The following SLC25A35 variants were observed in gnomAD, a reference collection of about 807,000 sequenced individuals.
The protein encoded by SLC25A35 is solute carrier family 25, member 35.
In SLC25A35, 32 loss-of-function variants were observed where a neutral mutation model predicts 30.5. The observed-to-expected ratio is 1.05, with a 90% CI of 0.79 to 1.41. The LOEUF is 1.41. SLC25A35 is among the 40% of genes most tolerant of loss of function. The pLI, the probability that SLC25A35 is intolerant of heterozygous loss-of-function variation, is 0.00. For synonymous variants in SLC25A35, 142 were observed against 158.1 expected (o/e 0.90, Z 0.77); for missense variants, 369 against 388.0 (o/e 0.95, Z 0.41).
chr17:8,290,081 T>C lies in SLC25A35; in HGVS notation c.*424A>G. 6.5e-7 allele frequency: 1 copy of C among 1,532,202 alleles called. No homozygotes were observed. Among genetic ancestry groups the C allele is most frequent in the South Asian group, 1.3e-5 (1 of 77,520 alleles). The allele number at this position is 1,532,202 out of a possible 1,614,324, so 94.9% of individuals were successfully genotyped here. A position where few individuals can be genotyped will look rare whatever the true frequency, so the allele number is the denominator to read the frequency against. On this transcript the variant is annotated 3_prime_UTR_variant, in exon 5 of 5. Coordinates refer to ENST00000577745, the MANE Select transcript of SLC25A35 (RefSeq NM_001320870.2). ...CCCTCTTCAGAATAAACTTGCTTTA[T>C]AATCAATATAATCTCTGTGCCTTTG...
chr17:8,290,460 A>C lies in SLC25A35; in HGVS notation c.*45T>G, dbSNP rs1340411834. On this transcript the variant is annotated 3_prime_UTR_variant, in exon 5 of 5. Coordinates refer to ENST00000577745, the MANE Select transcript of SLC25A35 (RefSeq NM_001320870.2). ...ACCAGGACATAGTGGTGGAGGCACA[A>C]GTGGCCAAGGAGTGCTCATTTGGTG... 7.9e-6 allele frequency: 12 copies of C among 1,527,506 alleles called. No individual in the cohort carries two copies. The East Asian group carries it at 2.7e-4, about 34-fold the overall frequency. 94.6% of individuals were successfully genotyped at this position (1,527,506 alleles called of 1,614,324 possible). A position where few individuals can be genotyped will look rare whatever the true frequency, so the allele number is the denominator to read the frequency against.
rs761421094 is a variant in SLC25A35, at chr17:8,290,500, G to A, written c.*5C>T. On this transcript the variant is annotated 3_prime_UTR_variant, in exon 5 of 5. Coordinates refer to ENST00000577745, the MANE Select transcript of SLC25A35 (RefSeq NM_001320870.2). ...CTCATTTGGTGGAGACTGGGAAAGC[G>A]GCTGTTATTTAGTGTCTGTGTAGTA... 4.6e-6 allele frequency: 7 copies of A among 1,535,290 alleles called. No homozygotes were observed. Among genetic ancestry groups the A allele is most frequent in the African/African-American group, 2.7e-5 (2 of 73,000 alleles).
downstream of SLC25A35, chr17:8,289,370 T>A (rs1990297915): frequency 6.8e-6 from 11 of 1,614,012 alleles, no homozygotes; most frequent in Non-Finnish European, 9.3e-6. Flanking sequence ...TCAAGAAGCC[T>A]GGGTCCTCTC....
intron 3 of SLC25A35, 116 bp downstream of exon 3, chr17:8,291,217 C>T: frequency 6.8e-7 from 1 of 1,477,338 alleles, no homozygotes; most frequent in South Asian, 1.3e-5. Context: ...ACCTCCAAGC[C>T]CTCCTGCCAC....
chr17:8,289,957 A>G (rs1321426762), downstream of SLC25A35: 1 of 1,613,982 alleles, frequency 6.2e-7, no homozygotes. Context: ...GCACTGCATG[A>G]TGTTGCTGAG....
chr17:8,289,192 A>C (rs895125242), downstream of SLC25A35: 3 of 1,604,380 alleles, frequency 1.9e-6, no homozygotes, highest in Non-Finnish European at 2.6e-6. Context: ...CCAGGCCTGC[A>C]ACTTAAAGAT....
At position 8,290,154 on chromosome 17, in the gene SLC25A35, CG is replaced by C; in HGVS notation, c.*350del. 2 of 1,444,520 alleles carry C rather than the reference CG, an allele frequency of 1.4e-6. No individual in the cohort carries two copies. Among genetic ancestry groups the C allele is most frequent in the Non-Finnish European group, 1.8e-6 (2 of 1,102,868 alleles). 89.5% of individuals were successfully genotyped at this position (1,444,520 alleles called of 1,614,324 possible). ...CCAGACGCCTGGGAATTGGGTCTCT[CG>C]ATTCCCTTTGGTTTTGGAGGGAGGA... On this transcript the variant is annotated 3_prime_UTR_variant, in exon 5 of 5. Coordinates refer to ENST00000577745, the MANE Select transcript of SLC25A35 (RefSeq NM_001320870.2).
chr17:8,291,726 G>A (rs1990520700), intron 2 of SLC25A35, among the ~76,000 whole-genome samples: 1 of 152,036 alleles, frequency 6.6e-6, no homozygotes, highest in Non-Finnish European at 1.5e-5. Context: ...GGAGAAACAG[G>A]GGCAGAAAAT....
At chr17:8,291,009 C>G in intron 3 of SLC25A35, 33 bp from the exon 4 acceptor site, 5 of 1,612,434 alleles carry the variant, frequency 3.1e-6, no homozygotes, top group Non-Finnish European at 4.2e-6. Context: ...CGTTGTCAAC[C>G]AGCCAACTAT....
downstream of SLC25A35, chr17:8,289,059 G>T (rs140704891): frequency 4.5e-3 from 7,244 of 1,613,690 alleles, 29 homozygotes; most frequent in Non-Finnish European, 5.1e-3. Context: ...CGTACGGGGC[G>T]AAGCGGCTGC....
intron 2 of SLC25A35, among the ~76,000 whole-genome samples, chr17:8,291,778 G>C (rs1441513876): frequency 6.6e-6 from 1 of 152,198 alleles, no homozygotes; most frequent in East Asian, 1.9e-4. Flanking sequence ...CATCAGGCAC[G>C]GTGGCTCACG....
At chr17:8,289,123 T>C, downstream of SLC25A35, 1 of 1,604,412 alleles carries the variant, frequency 6.2e-7, no homozygotes, top group South Asian at 1.1e-5. Context: ...GTCGGACCAG[T>C]GGGCGGGGCC....
At chr17:8,288,686 C>T, downstream of SLC25A35, 1 of 1,322,596 alleles carries the variant, frequency 7.6e-7, no homozygotes, top group Non-Finnish European at 1.1e-6. Flanking sequence ...TAAGCCAGAC[C>T]CGGGTGGCGG....
In SLC25A35 at chr17:8,290,931, T is replaced by C. The variant is rs143935061; in HGVS notation, c.640A>G (p.Met214Val). 7.4e-5 allele frequency: 120 copies of C among 1,614,052 alleles called. No homozygotes were observed. The African/African-American group carries it at 1.5e-3, about 20-fold the overall frequency. ...SWKLALVAAM[M>V]SGIAVVLAMA... is the part of the protein sequence containing the mutation. ...GCCAAGACAACTGCAATGCCACTCA[T>C]CATGGCAGCCACCAGCGCCAACTTC... Residue 214 changes from methionine (M) to valine (V), a missense_variant, in exon 4 of 5, where the codon ATG becomes GTG. Met to Val is a conservative substitution (Grantham distance 21). Transcript: ENST00000577745.
At chr17:8,290,745 C>A in intron 4 of SLC25A35, 67 bp from the exon 5 acceptor site, 1 of 1,602,354 alleles carries the variant, frequency 6.2e-7, no homozygotes, top group Admixed American at 1.7e-5. Flanking sequence ...CCAGGGGCAG[C>A]ACCTCTACAG....
chr17:8,290,302 T>G lies in SLC25A35; in HGVS notation c.*203A>C. 7.0e-7 allele frequency: 1 copy of G among 1,428,172 alleles called. No individual in the cohort carries two copies. Among genetic ancestry groups the G allele is most frequent in the East Asian group, 2.5e-5 (1 of 39,650 alleles). 88.5% of individuals were successfully genotyped at this position (1,428,172 alleles called of 1,614,324 possible). On this transcript the variant is annotated 3_prime_UTR_variant, in exon 5 of 5. Coordinates refer to ENST00000577745, the MANE Select transcript of SLC25A35 (RefSeq NM_001320870.2). ...GGGTGTGAGTTACCCAGGGAATGGGTAGGGAAGGTTTAAAGCAACACCCAA... is the reference window on the plus strand; with the variant it reads ...GGGTGTGAGTTACCCAGGGAATGGGGAGGGAAGGTTTAAAGCAACACCCAA...
chr17:8,290,662 C>T lies in SLC25A35; in HGVS notation c.746G>A (p.Gly249Glu), dbSNP rs1453813546. Residue 249 changes from glycine (G) to glutamate (E), a missense_variant, in exon 5 of 5, where the codon GGG (glycine) becomes GAG (glutamate). By Grantham distance (98) the Gly-to-Glu change is moderately conservative (BLOSUM62 -2). Coordinates refer to ENST00000577745, the MANE Select transcript of SLC25A35 (RefSeq NM_001320870.2). Reference protein sequence around the residue: ...DAQGKGLMYRGILDALLQTAR... With the variant: ...DAQGKGLMYREILDALLQTAR... ...TGTCTGCAGCAGAGCGTCCAGTATC[C>T]CCCGGTACATGAGGCCCTGAGAGTG... 1.9e-6 allele frequency: 3 copies of T among 1,568,702 alleles called. No homozygotes were observed. Among genetic ancestry groups the T allele is most frequent in the South Asian group, 1.1e-5 (1 of 87,972 alleles).
downstream of SLC25A35, chr17:8,289,693 C>A: frequency 6.2e-7 from 1 of 1,609,404 alleles, no homozygotes; most frequent in Admixed American, 1.7e-5. Context: ...TCCAAGGAAG[C>A]AGGAGTGGGC....
At chr17:8,289,702 G>A (rs1396011096), downstream of SLC25A35, 5 of 1,612,124 alleles carry the variant, frequency 3.1e-6, no homozygotes, top group Non-Finnish European at 4.2e-6. Context: ...GCAGGAGTGG[G>A]CCAGAGGTTT....
Sources: allele counts gnomAD v4.1 joint callset (sites outside exome capture counted in the v4.1 genomes callset), GRCh38; gene constraint gnomAD v4.1.1; transcripts MANE v1.5; gene names NCBI Gene and HGNC (gene_info 2026-07-23, HGNC 2026-07-21).